Variants in COL18A1 observed in about 807,000 individuals in gnomAD.
COL18A1 encodes collagen type XVIII alpha 1 chain.
A neutral mutation model predicts 168.0 loss-of-function variants in COL18A1; 133 were observed. The observed-to-expected ratio is 0.79, with a 90% CI of 0.69 to 0.91. The LOEUF (loss-of-function observed/expected upper bound fraction) is 0.91. COL18A1 is among the 40% of genes least tolerant of loss of function. The pLI is 0.00. For synonymous variants in COL18A1, 949 were observed against 809.0 expected (o/e 1.17, Z -2.94); for missense variants, 2,126 against 1,925.4 (o/e 1.10, Z -1.95).
In COL18A1 at chr21:45,498,906, G is replaced by A. The variant is rs549157571; in HGVS notation, c.2683+1245G>A. Among the ~76,000 whole-genome samples the A allele has an allele frequency of 3.3e-5, 5 of 152,320 alleles. No homozygotes were observed. Among genetic ancestry groups the A allele is most frequent in the East Asian group, 3.9e-4 (2 of 5,186 alleles). On this transcript the variant is annotated intron_variant, in intron 32 of 41. Coordinates refer to ENST00000651438, the MANE Select transcript of COL18A1 (RefSeq NM_001379500.1). This position sits in a 1 kb window ranked among gnomAD's most constrained non-coding sequence, Gnocchi z 4.5. The stretch of plus-strand genomic sequence containing the variant: ...TCAGGATGAACCTGGGGCTGAAGGC[G>A]GAACAGTTGGAGATTGAGACCTGTG...
At chr21:45,506,393 A>C (rs2037206913) in intron 37 of COL18A1, 5 of 328,592 alleles carry the variant, frequency 1.5e-5, no homozygotes, top group South Asian at 7.5e-5. Context: ...CGCGTTATAA[A>C]CACCAAGGTG....
chr21:45,435,341 C>T (rs1210414921), intron 2 of COL18A1, among the ~76,000 whole-genome samples: 4 of 148,466 alleles, frequency 2.7e-5, no homozygotes, highest in East Asian at 2.0e-4. Context: ...GAAGTGGGGG[C>T]GTCCCCATCA....
At chr21:45,508,361 AGTGGATGG>A (rs1183889049) in intron 38 of COL18A1, among the ~76,000 whole-genome samples, 19 of 142,744 alleles carry the variant, frequency 1.3e-4, no homozygotes, top group African/African-American at 4.3e-4. Context: ...CAAGTGGGTG[AGTGGATGG>A]GTGGATGGAT....
chr21:45,468,820 A>C, intron 3 of COL18A1, 34 bp downstream of exon 3: 2 of 1,052,090 alleles, frequency 1.9e-6, no homozygotes, highest in Non-Finnish European at 2.8e-6. Flanking sequence ...GGGGGACTGG[A>C]GCAGCTGGGA....
At chr21:45,490,193 G>C (rs991724904) in intron 19 of COL18A1, 82 bp from the exon 20 acceptor site, 17 of 1,180,126 alleles carry the variant, frequency 1.4e-5, no homozygotes, top group Admixed American at 2.0e-5. Flanking sequence ...CCACGTCCAC[G>C]GGTGCCCCGG....
At chr21:45,503,775 T>A (rs1330695641) in intron 32 of COL18A1, among the ~76,000 whole-genome samples, 1 of 151,354 alleles carries the variant, frequency 6.6e-6, no homozygotes, top group African/African-American at 2.4e-5. Context: ...ACCCTAAAAC[T>A]TAAAGTATAA....
intron 28 of COL18A1, 119 bp from the exon 29 acceptor site, chr21:45,495,239 G>A (rs1441196907): frequency 3.5e-5 from 29 of 824,792 alleles, no homozygotes; most frequent in Admixed American, 8.0e-5. Flanking sequence ...AGCTGGGAAC[G>A]TGTGAGGCTG....
chr21:45,416,531 G>A (rs1048483999), intron 2 of COL18A1, among the ~76,000 whole-genome samples: 1 of 152,084 alleles, frequency 6.6e-6, no homozygotes, highest in Non-Finnish European at 1.5e-5. Flanking sequence ...GCTCTCCTGG[G>A]CCTCGGTCCG....
At chr21:45,489,563 G>T (rs921016876) in intron 19 of COL18A1, 42 bp downstream of exon 19, 2 of 1,460,514 alleles carry the variant, frequency 1.4e-6, no homozygotes, top group Non-Finnish European at 1.9e-6. Flanking sequence ...CCAGGCAGAG[G>T]CAGGGAGGGC....
rs61735014 is a variant in COL18A1 at position 45,468,471 on chromosome 21, G to A, written c.336G>A (p.Thr112=). The A allele has an allele frequency of 3.4e-4, 544 of 1,614,054 alleles. 3 individuals are homozygous for A. Among genetic ancestry groups the A allele is most frequent in the East Asian group, 2.7e-4 (12 of 44,886 alleles). Residue 112 remains threonine, a synonymous_variant, in exon 3 of 42, where the codon ACG becomes ACA. Transcript: ENST00000651438. Reference sequence around the variant, plus strand: ...GCCCAGGGGTGCTGTTCGCCATCACGGACTCGGCGCAGGCCATGGTCTTGC... The same window carrying A: ...GCCCAGGGGTGCTGTTCGCCATCACAGACTCGGCGCAGGCCATGGTCTTGC... The part of the protein sequence containing the change: ...TEGPGVLFAI[T]DSAQAMVLLG...
In COL18A1 at chr21:45,509,302, G is replaced by A. The variant is rs1568950291; in HGVS notation, c.3250-54G>A. On this transcript the variant is annotated intron_variant, in intron 38 of 41. Coordinates refer to ENST00000651438, the MANE Select transcript of COL18A1 (RefSeq NM_001379500.1). ...AGCCCAGAGGAGGACACAGATGGAG[G>A]AGGGGCACCCGGAGGGTCCCCCCGC... The A allele has an allele frequency of 2.6e-6, 4 of 1,534,796 alleles. No individual in the cohort carries two copies. In the East Asian group the frequency reaches 7.3e-5, roughly 28 times the overall value.
chr21:45,428,675 G>C (rs1340544646), intron 2 of COL18A1, among the ~76,000 whole-genome samples: 4 of 152,110 alleles, frequency 2.6e-5, no homozygotes, highest in Non-Finnish European at 2.9e-5. Context: ...CTCTGGATCG[G>C]CGGTTCTGGA....
chr21:45,508,227 T>TGG (rs2037347282), intron 38 of COL18A1, among the ~76,000 whole-genome samples: 1 of 130,956 alleles, frequency 7.6e-6, no homozygotes, highest in Non-Finnish European at 1.6e-5. Flanking sequence ...GGTGGGTGGA[T>TGG]AGTGGGTAAG....
chr21:45,505,653 C>T (rs1022104979), intron 36 of COL18A1, among the ~76,000 whole-genome samples, 185 bp from the exon 37 acceptor site: 10 of 152,166 alleles, frequency 6.6e-5, no homozygotes, highest in South Asian at 2.1e-4. Context: ...ACATTGTCCA[C>T]GGAGGCGCAG....
intron 31 of COL18A1, among the ~76,000 whole-genome samples, chr21:45,497,384 G>A (rs368703948): frequency 3.9e-5 from 6 of 152,212 alleles, no homozygotes; most frequent in East Asian, 1.9e-4. Context: ...TGGTCAGCAC[G>A]TGCCCTGCAG....
chr21:45,475,338 G>A (rs1023175097), intron 4 of COL18A1, 138 bp from the exon 5 acceptor site: 10 of 786,608 alleles, frequency 1.3e-5, no homozygotes, highest in Non-Finnish European at 2.2e-5. Context: ...GCCCCCCGGA[G>A]AGCACCAGAG....
chr21:45,482,073 A>C, intron 14 of COL18A1, 48 bp downstream of exon 14: 5 of 1,488,906 alleles, frequency 3.4e-6, no homozygotes, highest in Non-Finnish European at 4.7e-6. Flanking sequence ...GCACCACACC[A>C]TGTGGCCCGG....
Position 45,512,486 on chromosome 21 carries a change from C to T in COL18A1, c.*88C>T. ...CAGGGAGCGGCCGGCCAGCCCCTGG[C>T]CCCAGGACCTGGCTGCCATACTTTC... On this transcript the variant is annotated 3_prime_UTR_variant, in exon 42 of 42. Transcript: ENST00000651438. 1 of 1,255,382 alleles carries T rather than the reference C, an allele frequency of 8.0e-7. No individual in the cohort carries two copies. The highest frequency in any genetic ancestry group is 1.1e-6 in the Non-Finnish European group (1 of 879,682). The allele number at this position is 1,255,382 out of a possible 1,614,324, so 77.8% of individuals were successfully genotyped here.
chr21:45,422,514 C>A (rs1432248509), intron 2 of COL18A1: 1 of 524,672 alleles, frequency 1.9e-6, no homozygotes, highest in Non-Finnish European at 3.9e-6. Context: ...GGCTGCCTGG[C>A]CTGACGCACC....
Sources: allele counts gnomAD v4.1 joint callset (sites outside exome capture counted in the v4.1 genomes callset), GRCh38; gene constraint gnomAD v4.1.1; non-coding constraint Gnocchi (gnomAD v3.1); transcripts MANE v1.5; gene names NCBI Gene and HGNC (gene_info 2026-07-23, HGNC 2026-07-21).